GSAP: variants seen among roughly 807,000 people sequenced by gnomAD.
The protein encoded by GSAP is gamma-secretase activating protein.
GSAP carries 118 observed loss-of-function variants against 131.7 expected under a neutral mutation model. The ratio of observed to expected loss-of-function variants is 0.90; its 90% confidence interval spans 0.77 to 1.04. The LOEUF is 1.04. GSAP is among the 50% of genes least tolerant of loss of function. The pLI, the probability that GSAP is intolerant of heterozygous loss-of-function variation, is 0.00. For missense variants in GSAP, 1,019 were observed against 1,013.2 expected (o/e 1.01, Z -0.08); for synonymous variants, 381 against 363.4 (o/e 1.05, Z -0.55).
chr7:77,334,820 C>G (rs1190591081), intron 19 of GSAP, among the ~76,000 whole-genome samples: 1 of 151,974 alleles, frequency 6.6e-6, no homozygotes, highest in African/African-American at 2.4e-5. Flanking sequence ...CATGGTGGCT[C>G]ACGCCTGTAA....
In GSAP at chr7:77,402,616, A is replaced by AAAAAAAAAAAAT. The variant is rs375595494; in HGVS notation, c.243+1942_243+1943insATTTTTTTTTTT. ...CTCAAAAAAAAAAAAAAAAAAAAAAAGAATTTTAAAGCCCATCTAGATTTG... is the reference window on the plus strand; with the variant it reads ...CTCAAAAAAAAAAAAAAAAAAAAAAAAAAAAAAAAAATGAATTTTAAAGCCCATCTAGATTTG... On this transcript the variant is annotated intron_variant, in intron 3 of 30. Coordinates refer to ENST00000257626, the MANE Select transcript of GSAP (RefSeq NM_017439.4). 1.5e-3 allele frequency among the ~76,000 whole-genome samples: 117 copies of AAAAAAAAAAAAT among 80,456 alleles called. 8 individuals are homozygous for AAAAAAAAAAAAT. Among genetic ancestry groups the AAAAAAAAAAAAT allele is most frequent in the South Asian group, 3.5e-3 (8 of 2,308 alleles). The allele number at this position is 80,456 out of a possible 152,430, so 52.8% of individuals were successfully genotyped here.
chr7:77,363,317 T>C (rs1794807033), intron 12 of GSAP, among the ~76,000 whole-genome samples: 2 of 152,238 alleles, frequency 1.3e-5, no homozygotes, highest in South Asian at 4.1e-4. Flanking sequence ...CATGAAACTG[T>C]ACATTATCTC....
In GSAP at chr7:77,377,276, G is replaced by GT. The variant is rs113792577; in HGVS notation, c.681+9dup. On this transcript the variant is annotated intron_variant, in intron 9 of 30. Coordinates refer to ENST00000257626, the MANE Select transcript of GSAP (RefSeq NM_017439.4). Reference sequence around the variant, plus strand: ...AAAAAAAAGGAGTGCCCGTGAACTAGTTTTTTTACCTTCAGGTCAATGTAA... The same window carrying GT: ...AAAAAAAAGGAGTGCCCGTGAACTAGTTTTTTTTACCTTCAGGTCAATGTAA... 8.5e-5 allele frequency: 91 copies of GT among 1,069,858 alleles called. No individual in the cohort carries two copies. In the Middle Eastern group the frequency reaches 1.2e-3, roughly 14 times the overall value. 66.3% of individuals were successfully genotyped at this position (1,069,858 alleles called of 1,614,324 possible).
intron 23 of GSAP, among the ~76,000 whole-genome samples, chr7:77,325,955 C>G (rs751779732): frequency 9.9e-5 from 15 of 152,200 alleles, no homozygotes. Flanking sequence ...ACACTATACA[C>G]TCCTTTTATC....
At chr7:77,386,919 G>A (rs1440196010) in intron 6 of GSAP, among the ~76,000 whole-genome samples, 1 of 152,172 alleles carries the variant, frequency 6.6e-6, no homozygotes, top group African/African-American at 2.4e-5. Flanking sequence ...AGGAGCAGCA[G>A]AATATGCAAA....
At chr7:77,329,534 T>A in intron 20 of GSAP, 143 bp from the exon 21 acceptor site, 1 of 423,054 alleles carries the variant, frequency 2.4e-6, no homozygotes, top group Admixed American at 4.5e-5. Flanking sequence ...AGATTTTTTT[T>A]AAAGTTTTAA....
intron 16 of GSAP, among the ~76,000 whole-genome samples, chr7:77,354,919 A>G (rs1793429619): frequency 6.6e-6 from 1 of 152,214 alleles, no homozygotes; most frequent in Non-Finnish European, 1.5e-5. Context: ...GAAAAAGTAG[A>G]TATTTAAGAA....
rs191013710 is a variant in GSAP, at chr7:77,397,047, A to G, written c.314-12T>C. On this transcript the variant is annotated splice_polypyrimidine_tract_variant and intron_variant, in intron 4 of 30. Transcript: ENST00000257626. ...AACTAAACTTGCAGCTAATGGAAAAAGAAAAAAAATCCATTAGCAATTGAT... is the reference window on the plus strand; with the variant it reads ...AACTAAACTTGCAGCTAATGGAAAAGGAAAAAAAATCCATTAGCAATTGAT... 4.5e-4 allele frequency: 703 copies of G among 1,575,978 alleles called. 3 individuals carry two copies. The African/African-American group carries it at 8.2e-3, about 18-fold the overall frequency.
intron 3 of GSAP, among the ~76,000 whole-genome samples, chr7:77,402,593 CAAAAAAAA>C (rs56739649): frequency 8.1e-5 from 2 of 24,776 alleles, no homozygotes; most frequent in African/African-American, 1.1e-4. Flanking sequence ...GACTCTGTCT[CAAAAAAAA>C]AAAAAAAAAA....
At chr7:77,347,135 C>G (rs569819726) in intron 19 of GSAP, among the ~76,000 whole-genome samples, 1 of 152,116 alleles carries the variant, frequency 6.6e-6, no homozygotes, top group Non-Finnish European at 1.5e-5. Flanking sequence ...GGAAGCTCCA[C>G]GTCCCTTCCC....
At chr7:77,399,422 A>G (rs903490843) in intron 3 of GSAP, among the ~76,000 whole-genome samples, 14 of 152,206 alleles carry the variant, frequency 9.2e-5, no homozygotes, top group Admixed American at 7.9e-4. Context: ...GAATTCACTT[A>G]TCACCAAACC....
At chr7:77,321,170 A>G (rs1261518213) in intron 25 of GSAP, among the ~76,000 whole-genome samples, 163 bp downstream of exon 25, 1 of 152,198 alleles carries the variant, frequency 6.6e-6, no homozygotes. Flanking sequence ...AAGGGTACAT[A>G]TGCAGGGGGG....
intron 5 of GSAP, among the ~76,000 whole-genome samples, chr7:77,390,489 A>G (rs1799297105): frequency 6.6e-6 from 1 of 152,156 alleles, no homozygotes; most frequent in African/African-American, 2.4e-5. Context: ...ATCCAGTTTC[A>G]GCTTTCTACA....
At position 77,330,282 on chromosome 7, in the gene GSAP, T is replaced by C. The variant is rs138172177; in HGVS notation, c.1631A>G (p.Asn544Ser). ...GTGCCACTCTCTCCTGACCACACTG[T>C]TGTTATAGTGGAAGTGTGGCTTGGC... ...KYAKPHFHYN[N>S]SVVRREWHNL... The change falls in exon 20 of 31, where the codon AAC (asparagine) becomes AGC (serine). Residue 544 changes from asparagine to serine, a missense_variant. Asn to Ser is a conservative substitution (Grantham distance 46). Transcript: ENST00000257626. 3.3e-5 allele frequency: 53 copies of C among 1,613,522 alleles called. No individual in the cohort carries two copies. Among genetic ancestry groups the C allele is most frequent in the Admixed American group, 1.3e-4 (8 of 59,992 alleles).
At chr7:77,312,056 G>C in intron 29 of GSAP, 45 bp downstream of exon 29, 1 of 1,317,032 alleles carries the variant, frequency 7.6e-7, no homozygotes, top group Non-Finnish European at 1.1e-6. Context: ...CGGGCAAACA[G>C]GATCCTAAAA....
rs1440947723 is a variant in GSAP, at chr7:77,355,444, A to T, written c.1121-14T>A. The T allele has an allele frequency of 1.3e-6, 2 of 1,576,566 alleles. No homozygotes were observed. The highest frequency in any genetic ancestry group is 2.7e-5 in the African/African-American group (2 of 72,762). The stretch of plus-strand genomic sequence containing the variant: ...TTTCATTATTTCCTGGCAAAAAAAA[A>T]AAAAACAGTAGATCAGCAAATAGAA... On this transcript the variant is annotated splice_polypyrimidine_tract_variant and intron_variant, in intron 15 of 30. Coordinates refer to ENST00000257626, the MANE Select transcript of GSAP (RefSeq NM_017439.4).
chr7:77,367,230 T>C (rs1795456191), intron 12 of GSAP, among the ~76,000 whole-genome samples: 3 of 152,196 alleles, frequency 2.0e-5, no homozygotes. Context: ...GCTCTAGCTA[T>C]GACTTCCAAT....
At chr7:77,384,877 G>T (rs1798330745) in intron 6 of GSAP, among the ~76,000 whole-genome samples, 1 of 152,108 alleles carries the variant, frequency 6.6e-6, no homozygotes, top group Non-Finnish European at 1.5e-5. Context: ...TGCCACTGGG[G>T]TTTAGAGGAG....
intron 19 of GSAP, among the ~76,000 whole-genome samples, chr7:77,340,355 C>T (rs956735700): frequency 6.6e-6 from 1 of 152,314 alleles, no homozygotes; most frequent in South Asian, 2.1e-4. Context: ...TCTCTTCACA[C>T]AGACACACGT....
Sources: gnomAD v4.1 joint callset for allele counts (sites outside exome capture counted in the v4.1 genomes callset) on GRCh38, gnomAD v4.1.1 for gene constraint, MANE v1.5 for transcripts, NCBI Gene and HGNC (gene_info 2026-07-23, HGNC 2026-07-21) for gene names.